PDCD11: variants seen among roughly 807,000 people sequenced by gnomAD.
The protein encoded by PDCD11 is programmed cell death 11.
In PDCD11, 97 loss-of-function variants were observed where a neutral mutation model predicts 198.9. That is an observed-to-expected ratio of 0.49 (90% CI 0.41 to 0.58). PDCD11 has a LOEUF of 0.58. Among genes scored for constraint, PDCD11 ranks in the 20% least tolerant of loss-of-function variants. PDCD11 has a pLI of 0.00. For missense variants in PDCD11, 2,102 were observed against 2,312.7 expected (o/e 0.91, Z 1.87); for synonymous variants, 893 against 918.0 (o/e 0.97, Z 0.49).
In PDCD11 at chr10:103,444,540, G is replaced by T. The variant is rs772308680; in HGVS notation, c.5302G>T (p.Ala1768Ser). 6.2e-7 allele frequency: 1 copy of T among 1,614,146 alleles called. No homozygotes were observed. The highest frequency in any genetic ancestry group is 8.5e-7 in the Non-Finnish European group (1 of 1,179,998). Residue 1768 changes from alanine to serine, a missense_variant, in exon 35 of 36, where the codon GCC (alanine) becomes TCC (serine). Coordinates refer to ENST00000369797, the MANE Select transcript of PDCD11 (RefSeq NM_014976.2). ...AGATGTGGATGTCATTGCCAAGTTT[G>T]CCCAGCTTGAGTTTCAGCTGGGGGA... ...KEHVDVIAKF[A>S]QLEFQLGDAE... is the part of the protein sequence containing the mutation.
At chr10:103,420,532 A>G (rs142794269) in intron 16 of PDCD11, among the ~76,000 whole-genome samples, 4 of 152,236 alleles carry the variant, frequency 2.6e-5, no homozygotes, top group Non-Finnish European at 5.9e-5. Flanking sequence ...GCCGAGGCCT[A>G]TTGAGGGGAT....
chr10:103,398,538 A>G lies in PDCD11; in HGVS notation c.102+10A>G. The G allele has an allele frequency of 6.4e-7, 1 of 1,557,542 alleles. No individual in the cohort carries two copies. The highest frequency in any genetic ancestry group is 8.9e-7 in the Non-Finnish European group (1 of 1,128,488). On this transcript the variant is annotated intron_variant, in intron 2 of 35. Transcript: ENST00000369797. ...AGACAACTTATTTGATGTAAGTAGT[A>G]TGCTTGTTTGGTGACACTCACTGGA...
At chr10:103,415,293 A>C in intron 12 of PDCD11, 142 bp downstream of exon 12, 1 of 784,800 alleles carries the variant, frequency 1.3e-6, no homozygotes, top group East Asian at 2.7e-5. Context: ...GGGAAGAGAA[A>C]AGTGAGTCCC....
intron 28 of PDCD11, 39 bp from the exon 29 acceptor site, chr10:103,440,251 T>C: frequency 6.4e-7 from 1 of 1,572,474 alleles, no homozygotes; most frequent in Non-Finnish European, 8.6e-7. Context: ...CCCTCTGCTT[T>C]TTATGATGTC....
chr10:103,442,187 C>CA (rs1250852662), intron 31 of PDCD11, 26 bp from the exon 32 acceptor site: 4 of 1,611,678 alleles, frequency 2.5e-6, no homozygotes, highest in Non-Finnish European at 1.7e-6. Context: ...GCAGATGACT[C>CA]ACGGTGTTTC....
At chr10:103,421,261 C>G in intron 16 of PDCD11, 87 bp from the exon 17 acceptor site, 1 of 1,027,280 alleles carries the variant, frequency 9.7e-7, no homozygotes, top group Admixed American at 2.0e-5. Context: ...TTTCCCCCTA[C>G]TCACGTACCC....
At chr10:103,407,131 G>A (rs556669811) in intron 7 of PDCD11, among the ~76,000 whole-genome samples, 8 of 152,214 alleles carry the variant, frequency 5.3e-5, no homozygotes, top group East Asian at 1.9e-4. Context: ...GAACTTATCC[G>A]TCATAACCCC....
Position 103,423,126 on chromosome 10 carries a change from A to G in PDCD11, c.2636A>G (p.Tyr879Cys), listed in dbSNP as rs1202206271. 7 of 1,580,524 alleles carry G rather than the reference A, an allele frequency of 4.4e-6. No individual in the cohort carries two copies. The highest frequency in any genetic ancestry group is 6.0e-6 in the Non-Finnish European group (7 of 1,164,698). ...GACCTGGTCCTGAAAGCCAGCAGAT[A>G]CCATCGCGCAGGTGAGTGCTTCTGT... ...VPDLVLKASR[Y>C]HRAGQEVESG... The change falls in exon 18 of 36, where the codon TAC becomes TGC. Residue 879 changes from tyrosine (Y) to cysteine (C), a missense_variant. Physicochemically the swap from Tyr to Cys is radical, Grantham distance 194. Coordinates refer to ENST00000369797, the MANE Select transcript of PDCD11 (RefSeq NM_014976.2).
chr10:103,443,977 C>G lies in PDCD11; in HGVS notation c.5187C>G (p.Ile1729Met). 1 of 1,614,042 alleles carries G rather than the reference C, an allele frequency of 6.2e-7. No individual in the cohort carries two copies. The highest frequency in any genetic ancestry group is 8.5e-7 in the Non-Finnish European group (1 of 1,180,010). The change falls in exon 34 of 36, where the codon ATC (isoleucine) becomes ATG (methionine). Residue 1729 changes from isoleucine to methionine, a missense_variant. By Grantham distance (10) the Ile-to-Met change is conservative (BLOSUM62 1). Transcript: ENST00000369797. ...KRFRQEKAVW[I>M]KYGAFLLRRS... ...TCCGGCAGGAGAAAGCTGTGTGGAT[C>G]AAATACGGCGCCTTCCTTCTGCGGA... is the stretch of plus-strand genomic sequence containing the variant.
chr10:103,417,702 A>G (rs1019884565), intron 13 of PDCD11, 90 bp from the exon 14 acceptor site: 2 of 1,380,388 alleles, frequency 1.4e-6, no homozygotes, highest in Non-Finnish European at 2.0e-6. Context: ...TAGATCTCCC[A>G]AGTCCTCTGC....
At chr10:103,406,137 G>T (rs373508132) in intron 6 of PDCD11, 29 bp downstream of exon 6, 2 of 1,608,404 alleles carry the variant, frequency 1.2e-6, no homozygotes, top group Non-Finnish European at 1.7e-6. Flanking sequence ...GCCAGTACAT[G>T]GTGGTGAGGT....
rs2032494210 is a variant in PDCD11 at position 103,443,946 on chromosome 10, A to C, written c.5156A>C (p.Lys1719Thr). The C allele has an allele frequency of 5.6e-6, 9 of 1,614,140 alleles. No homozygotes were observed. The highest frequency in any genetic ancestry group is 7.6e-6 in the Non-Finnish European group (9 of 1,180,020). ...EAGELYNRMLKRFRQEKAVWI... is the reference protein window; with the variant it reads ...EAGELYNRMLTRFRQEKAVWI... ...GGTGAACTCTACAACCGGATGCTGA[A>C]GCGTTTCCGGCAGGAGAAAGCTGTG... The change falls in exon 34 of 36, where the codon AAG becomes ACG. Residue 1719 changes from lysine to threonine, a missense_variant. Physicochemically the swap from Lys to Thr is moderately conservative, Grantham distance 78 (BLOSUM62 -1). Transcript: ENST00000369797.
intron 21 of PDCD11, among the ~76,000 whole-genome samples, chr10:103,430,990 G>T (rs2031910520): frequency 6.6e-6 from 1 of 151,880 alleles, no homozygotes; most frequent in Admixed American, 6.6e-5. Flanking sequence ...AGTAGAGACG[G>T]GGTTTCATCA....
At chr10:103,422,696 G>A (rs959060966) in intron 17 of PDCD11, among the ~76,000 whole-genome samples, 1 of 152,100 alleles carries the variant, frequency 6.6e-6, no homozygotes, top group African/African-American at 2.4e-5. Context: ...ATAGCAGGAG[G>A]CTTGAGAGGG....
intron 33 of PDCD11, among the ~76,000 whole-genome samples, 159 bp downstream of exon 33, chr10:103,443,492 CCTCTT>C (rs1410442039): frequency 6.6e-6 from 1 of 152,196 alleles, no homozygotes; most frequent in Non-Finnish European, 1.5e-5. Flanking sequence ...ATTTCCCTCA[CCTCTT>C]CTTCAGGCCT....
At position 103,445,414 on chromosome 10, in the gene PDCD11, C is replaced by A; in HGVS notation, c.5481C>A (p.Ala1827=). Residue 1827 remains alanine, a synonymous_variant, in exon 36 of 36, where the codon GCC becomes GCA. Transcript: ENST00000369797. ...AGCGGGTCATTCATCTGAGCTTGGC[C>A]CCCAAGAGAATGAAGTTCTTCTTCA... The part of the protein sequence containing the change: ...IFERVIHLSL[A]PKRMKFFFKR... The A allele has an allele frequency of 6.2e-7, 1 of 1,614,194 alleles. No individual in the cohort carries two copies. Among genetic ancestry groups the A allele is most frequent in the Non-Finnish European group, 8.5e-7 (1 of 1,180,018 alleles).
rs1235366837 is a variant in PDCD11, at chr10:103,440,864, C to T, written c.4557+14C>T. The T allele has an allele frequency of 1.9e-6, 3 of 1,571,856 alleles. No homozygotes were observed. Among genetic ancestry groups the T allele is most frequent in the Middle Eastern group, 1.7e-4 (1 of 5,912 alleles). On this transcript the variant is annotated intron_variant, in intron 30 of 35. Transcript: ENST00000369797. ...GTGCTGCCCAAGGTGAGGGTGACGT[C>T]GCGGGGAGGGGAAGGCTGCTCCAGG...
intron 16 of PDCD11, among the ~76,000 whole-genome samples, chr10:103,420,021 C>T (rs1474916010): frequency 7.6e-6 from 1 of 131,510 alleles, no homozygotes. Flanking sequence ...TGGTCTTGAA[C>T]TCCTGACCTT....
chr10:103,397,191 T>A (rs1180136305), intron 1 of PDCD11, among the ~76,000 whole-genome samples: 1 of 150,482 alleles, frequency 6.6e-6, no homozygotes, highest in East Asian at 1.9e-4. Context: ...ATGGTTTCTC[T>A]GCTGTACTGC....
Sources: gnomAD v4.1 joint callset for allele counts (sites outside exome capture counted in the v4.1 genomes callset) on GRCh38, gnomAD v4.1.1 for gene constraint, MANE v1.5 for transcripts, NCBI Gene and HGNC (gene_info 2026-07-23, HGNC 2026-07-21) for gene names.